The following GLIS3 variants were observed in gnomAD, a reference collection of about 807,000 sequenced individuals.
GLIS3 encodes GLIS family zinc finger 3.
In GLIS3, 53 loss-of-function variants were observed where a neutral mutation model predicts 78.6. The ratio of observed to expected loss-of-function variants is 0.67; its 90% CI spans 0.54 to 0.85. GLIS3 has a LOEUF of 0.85. GLIS3 is among the 40% of genes least tolerant of loss of function. The pLI, the probability that GLIS3 is intolerant of heterozygous loss-of-function variation, is 0.00. For missense variants in GLIS3, 1,703 were observed against 1,231.1 expected (o/e 1.38, Z -5.74); for synonymous variants, 684 against 509.9 (o/e 1.34, Z -4.60).
the GLIS3 span, among the ~76,000 whole-genome samples, chr9:4,411,957 T>C: frequency 5.3e-5 from 8 of 152,262 alleles, no homozygotes; most frequent in African/African-American, 1.4e-4. Flanking sequence ...TCTGGCCTAA[T>C]ACTAAATGAG....
intron 4 of GLIS3, among the ~76,000 whole-genome samples, chr9:3,957,630 A>C (rs1356828265): frequency 6.6e-6 from 1 of 152,164 alleles, no homozygotes; most frequent in East Asian, 1.9e-4. Context: ...CACATTTAAA[A>C]CCTTGTTATT....
the GLIS3 span, among the ~76,000 whole-genome samples, chr9:4,386,175 G>A: frequency 6.6e-6 from 1 of 152,074 alleles, no homozygotes. Context: ...AATAAAAACA[G>A]AATCTCCTCT....
intron 4 of GLIS3, among the ~76,000 whole-genome samples, chr9:4,074,250 T>A (rs1316701735): frequency 6.6e-6 from 1 of 152,074 alleles, no homozygotes; most frequent in Non-Finnish European, 1.5e-5. Flanking sequence ...ATAGTTTGGG[T>A]TCAGGCTGAA....
intron 4 of GLIS3, among the ~76,000 whole-genome samples, chr9:4,060,052 G>T (rs1355324343): frequency 6.6e-6 from 1 of 151,964 alleles, no homozygotes; most frequent in Admixed American, 6.6e-5. Context: ...GGAACCCAAG[G>T]TTCCTGGCCA....
At chr9:3,916,137 T>G (rs1824494614) in intron 6 of GLIS3, among the ~76,000 whole-genome samples, 1 of 152,226 alleles carries the variant, frequency 6.6e-6, no homozygotes. Flanking sequence ...AACTAAAGCC[T>G]GTGCTTTTTA....
the GLIS3 span, among the ~76,000 whole-genome samples, chr9:4,465,595 T>C: frequency 3.3e-5 from 5 of 152,216 alleles, no homozygotes; most frequent in African/African-American, 1.2e-4. Flanking sequence ...TTCTTGTAAC[T>C]GGATTTATTT....
intron 6 of GLIS3, among the ~76,000 whole-genome samples, chr9:3,907,683 G>A (rs1383588571): frequency 6.6e-6 from 1 of 151,022 alleles, no homozygotes; most frequent in Non-Finnish European, 1.5e-5. Context: ...TTGCCTCAAA[G>A]TGAGACAAAT....
chr9:4,223,131 G>T (rs1355506425), intron 2 of GLIS3, among the ~76,000 whole-genome samples: 1 of 152,014 alleles, frequency 6.6e-6, no homozygotes, highest in African/African-American at 2.4e-5. Context: ...GAGATAATCT[G>T]GTCCAAATTT....
chr9:4,471,755 T>A, the GLIS3 span, among the ~76,000 whole-genome samples: 9 of 152,122 alleles, frequency 5.9e-5, no homozygotes, highest in East Asian at 1.7e-3. Flanking sequence ...AATTGACAAA[T>A]GGGATCTAAT....
chr9:4,233,885 T>A (rs1390674395), intron 2 of GLIS3, among the ~76,000 whole-genome samples: 1 of 152,218 alleles, frequency 6.6e-6, no homozygotes. Context: ...TTGCTGCAGC[T>A]CCTACATCAC....
At chr9:3,927,856 A>C (rs1402786311) in intron 6 of GLIS3, among the ~76,000 whole-genome samples, 1 of 152,254 alleles carries the variant, frequency 6.6e-6, no homozygotes, top group Non-Finnish European at 1.5e-5. Context: ...AATCACTGCT[A>C]TTGGCACAGG....
intron 4 of GLIS3, among the ~76,000 whole-genome samples, chr9:3,970,591 C>G (rs1189436800): frequency 1.3e-5 from 2 of 152,164 alleles, no homozygotes; most frequent in African/African-American, 4.8e-5. Context: ...CACAGGACAG[C>G]CCTCATAACA....
intron 4 of GLIS3, among the ~76,000 whole-genome samples, chr9:4,112,703 T>TG (rs2130851007): frequency 6.6e-6 from 1 of 152,270 alleles, no homozygotes; most frequent in African/African-American, 2.4e-5. Context: ...AAAAATGATA[T>TG]GGGTGGAAAG....
intron 2 of GLIS3, among the ~76,000 whole-genome samples, chr9:4,230,065 G>C (rs1428656244): frequency 6.6e-6 from 1 of 152,202 alleles, no homozygotes; most frequent in East Asian, 1.9e-4. Flanking sequence ...CCTGGGGAAA[G>C]GACTTCAAAG....
At chr9:3,987,832 C>T in intron 4 of GLIS3, among the ~76,000 whole-genome samples, 1 of 113,000 alleles carries the variant, frequency 8.8e-6, no homozygotes, top group Non-Finnish European at 1.9e-5. Flanking sequence ...ACAGTGAATC[C>T]AAACCAGATA....
chr9:3,862,815 A>C (rs1820308503), intron 8 of GLIS3, among the ~76,000 whole-genome samples: 1 of 152,212 alleles, frequency 6.6e-6, no homozygotes. Flanking sequence ...GATTCATTAG[A>C]ACAGCTTGTT....
At chr9:4,117,241 C>T (rs1470337577) in intron 4 of GLIS3, among the ~76,000 whole-genome samples, 2 of 152,220 alleles carry the variant, frequency 1.3e-5, no homozygotes, top group Non-Finnish European at 2.9e-5. Flanking sequence ...AGTCTCTCAA[C>T]CCTGGAAGGT....
the GLIS3 span, among the ~76,000 whole-genome samples, chr9:4,382,279 G>A: frequency 3.3e-5 from 5 of 152,252 alleles, no homozygotes; most frequent in South Asian, 6.2e-4. Context: ...AGAACATTTC[G>A]TTTGTTCCAG....
At chr9:3,986,136 G>A (rs990597912) in intron 4 of GLIS3, among the ~76,000 whole-genome samples, 3 of 152,200 alleles carry the variant, frequency 2.0e-5, no homozygotes, top group East Asian at 1.9e-4. Flanking sequence ...TAGAGCCACT[G>A]GGTTTGGTGA....
Sources: gnomAD v4.1 joint callset for allele counts (sites outside exome capture counted in the v4.1 genomes callset) on GRCh38, gnomAD v4.1.1 for gene constraint, MANE v1.5 for transcripts, NCBI Gene and HGNC (gene_info 2026-07-23, HGNC 2026-07-21) for gene names.